Variants in TMEM170A observed in about 807,000 individuals in gnomAD.
The protein encoded by TMEM170A is transmembrane protein 170A.
Under a neutral mutation model 12.8 loss-of-function variants are expected in TMEM170A, and 18 were observed. That is an observed-to-expected ratio of 1.41 (90% CI 0.97 to 2.09). TMEM170A has a LOEUF of 2.09. TMEM170A is among the 30% of genes most tolerant of loss of function. The pLI, the probability that TMEM170A is intolerant of heterozygous loss-of-function variation, is 0.00. For synonymous variants in TMEM170A, 107 were observed against 76.2 expected, an observed-to-expected ratio of 1.40 and a Z score of -2.11; for missense variants, 220 against 179.9, an observed-to-expected ratio of 1.22 and a Z score of -1.28.
rs1567697997 is a variant in TMEM170A, at chr16:75,450,332, C to A, written c.304+1337G>T. ...AAATGTATTTATGTTTACATCTATA[C>A]CTAAAAAAAGAAATACACACCAAGA... On this transcript the variant is annotated intron_variant, in intron 2 of 2. Transcript: ENST00000561878. Among the ~76,000 whole-genome samples, 3 of 151,782 alleles carry A rather than the reference C, an allele frequency of 2.0e-5. No homozygotes were observed. In the South Asian group the frequency reaches 6.2e-4, roughly 32 times the overall value.
intron 1 of TMEM170A, chr16:75,464,141 G>C (rs1394000724): frequency 1.1e-5 from 15 of 1,340,450 alleles, no homozygotes; most frequent in Admixed American, 2.1e-5. Context: ...TCCCGGGCTC[G>C]TGGGGTGCAG....
In TMEM170A at chr16:75,460,709, G is replaced by A. The variant is rs577471923; in HGVS notation, c.133+3759C>T. On this transcript the variant is annotated intron_variant, in intron 1 of 2. Coordinates refer to ENST00000561878, the MANE Select transcript of TMEM170A (RefSeq NM_145254.3). The stretch of plus-strand genomic sequence containing the variant: ...CTCCCCATTGGAATGAAAGTTCCAC[G>A]TGGGAAGGGGCTTTGCTTTGTTACT... Among the ~76,000 whole-genome samples, 4 of 152,146 alleles carry A rather than the reference G, an allele frequency of 2.6e-5. 1 individual carries two copies. Among genetic ancestry groups the A allele is most frequent in the South Asian group, 4.1e-4 (2 of 4,820 alleles).
Position 75,444,577 on chromosome 16 carries a change from T to C in TMEM170A, c.*2981A>G, listed in dbSNP as rs2079552760. The C allele has an allele frequency of 6.6e-6, 1 of 152,180 alleles. No homozygotes were observed. The highest frequency in any genetic ancestry group is 6.5e-5 in the Admixed American group (1 of 15,272). The allele number at this position is 152,180 out of a possible 1,614,324, so 9.4% of individuals were successfully genotyped here. On this transcript the variant is annotated 3_prime_UTR_variant, in exon 3 of 3. Transcript: ENST00000561878. ...TGTTCAACACAATTGCCAATATTCT[T>C]CCATCTGAGTGACCACCCCCAAATA...
chr16:75,450,311 G>A (rs930583693), intron 2 of TMEM170A, among the ~76,000 whole-genome samples: 3 of 151,578 alleles, frequency 2.0e-5, no homozygotes, highest in African/African-American at 7.3e-5. Flanking sequence ...TTATAAAAAT[G>A]TATTTATGTT....
At chr16:75,449,824 A>C (rs534307068) in intron 2 of TMEM170A, among the ~76,000 whole-genome samples, 1 of 152,304 alleles carries the variant, frequency 6.6e-6, no homozygotes, top group Admixed American at 6.5e-5. Context: ...ACTGGGTTGG[A>C]TAGAAAGAAG....
chr16:75,453,207 G>T (rs542191253), intron 1 of TMEM170A, among the ~76,000 whole-genome samples: 7 of 152,286 alleles, frequency 4.6e-5, no homozygotes, highest in African/African-American at 1.7e-4. Flanking sequence ...GCCAAGGTGG[G>T]CAGGTCGCTT....
At chr16:75,464,239 C>A in intron 1 of TMEM170A, 1 of 1,502,998 alleles carries the variant, frequency 6.7e-7, no homozygotes, top group Non-Finnish European at 8.8e-7. Context: ...CACCTGCGGC[C>A]GCTCTCTGCA....
Position 75,444,800 on chromosome 16 carries a change from T to G in TMEM170A, c.*2758A>C, listed in dbSNP as rs372317743. 1 of 152,176 alleles carries G rather than the reference T, an allele frequency of 6.6e-6. No individual in the cohort carries two copies. Among genetic ancestry groups the G allele is most frequent in the Non-Finnish European group, 1.5e-5 (1 of 68,026 alleles). 9.4% of individuals were successfully genotyped at this position (152,176 alleles called of 1,614,324 possible). On this transcript the variant is annotated 3_prime_UTR_variant, in exon 3 of 3. Transcript: ENST00000561878. ...AATTTGAAGATACCTTTTATACGTTTAGTTTTTTAAAAGAGTAGATAACCA... is the reference window on the plus strand; with the variant it reads ...AATTTGAAGATACCTTTTATACGTTGAGTTTTTTAAAAGAGTAGATAACCA...
Position 75,464,470 on chromosome 16 carries a change from G to C in TMEM170A, c.131C>G (p.Pro44Arg), listed in dbSNP as rs939410907. Residue 44 changes from proline (P) to arginine (R), a missense_variant and splice_region_variant, in exon 1 of 3, where the codon CCA (proline) becomes CGA (arginine). Transcript: ENST00000561878. ...CPNSTSLCSF[P>R]EMWYGVFLWA... The stretch of plus-strand genomic sequence containing the variant: ...CGCAGGCGCGGGGCGGGCCGTACCT[G>C]GGAAGGAGCAGAGGGAAGTAGAGTT... 5.9e-6 allele frequency: 9 copies of C among 1,516,968 alleles called. No individual in the cohort carries two copies. The highest frequency in any genetic ancestry group is 1.4e-5 in the African/African-American group (1 of 69,250). The allele number at this position is 1,516,968 out of a possible 1,614,324, so 94.0% of individuals were successfully genotyped here.
At chr16:75,464,388 C>G in intron 1 of TMEM170A, 80 bp downstream of exon 1, 2 of 1,380,412 alleles carry the variant, frequency 1.4e-6, no homozygotes, top group Non-Finnish European at 9.4e-7. Flanking sequence ...CACCCGGGAC[C>G]CCGCCCAGAC....
chr16:75,456,874 C>T (rs927369036), intron 1 of TMEM170A, among the ~76,000 whole-genome samples: 1 of 152,184 alleles, frequency 6.6e-6, no homozygotes, highest in Non-Finnish European at 1.5e-5. Context: ...CCAGCTCATC[C>T]CCAAGCCCCC....
intron 1 of TMEM170A, among the ~76,000 whole-genome samples, chr16:75,455,452 A>AT (rs1225328523): frequency 6.6e-6 from 1 of 152,180 alleles, no homozygotes; most frequent in Non-Finnish European, 1.5e-5. Context: ...TGCATGTAGA[A>AT]TAAGATCCTG....
chr16:75,463,903 A>T (rs1397790516), intron 1 of TMEM170A, among the ~76,000 whole-genome samples: 1 of 152,198 alleles, frequency 6.6e-6, no homozygotes, highest in African/African-American at 2.4e-5. Flanking sequence ...AACAGGTGGC[A>T]CCAGGTCTGG....
chr16:75,464,080 G>A (rs2079953829), intron 1 of TMEM170A, among the ~76,000 whole-genome samples: 1 of 152,336 alleles, frequency 6.6e-6, no homozygotes, highest in African/African-American at 2.4e-5. Context: ...GAGACCCCTC[G>A]AAGGAGGCCG....
intron 1 of TMEM170A, among the ~76,000 whole-genome samples, chr16:75,462,401 G>C (rs1486281885): frequency 6.6e-6 from 1 of 152,098 alleles, no homozygotes; most frequent in Non-Finnish European, 1.5e-5. Context: ...TAGAGACAAG[G>C]TTTTGCCATG....
At chr16:75,456,114 A>C (rs2079790145) in intron 1 of TMEM170A, among the ~76,000 whole-genome samples, 1 of 152,066 alleles carries the variant, frequency 6.6e-6, no homozygotes, top group Non-Finnish European at 1.5e-5. Flanking sequence ...AATCCCCTTA[A>C]CCCACCCTTG....
intron 2 of TMEM170A, among the ~76,000 whole-genome samples, chr16:75,449,398 G>T (rs904443476): frequency 2.5e-4 from 38 of 150,840 alleles, no homozygotes; most frequent in African/African-American, 8.5e-4. Context: ...CATGATCATG[G>T]CTCCCTGCAG....
intron 1 of TMEM170A, among the ~76,000 whole-genome samples, chr16:75,457,315 C>T (rs1205884314): frequency 5.9e-5 from 9 of 152,194 alleles, no homozygotes; most frequent in Non-Finnish European, 1.3e-4. Context: ...TCCAGGAAAG[C>T]AGGTTGGAAC....
chr16:75,450,754 G>C (rs2079667358), intron 2 of TMEM170A, among the ~76,000 whole-genome samples: 1 of 152,080 alleles, frequency 6.6e-6, no homozygotes, highest in Admixed American at 6.6e-5. Flanking sequence ...GGACCTCCTG[G>C]CTCCAGCAAT....
Sources: allele counts gnomAD v4.1 joint callset (sites outside exome capture counted in the v4.1 genomes callset), GRCh38; gene constraint gnomAD v4.1.1; transcripts MANE v1.5; gene names NCBI Gene and HGNC (gene_info 2026-07-23, HGNC 2026-07-21).